The following CD93 variants were observed in gnomAD, a reference collection of about 807,000 sequenced individuals.
The protein encoded by CD93 is CD93 molecule, also known as complement component C1q receptor.
In CD93, 44 loss-of-function variants were observed where a neutral mutation model predicts 45.5. The observed-to-expected ratio is 0.97, with a 90% confidence interval of 0.76 to 1.24. CD93 has a LOEUF of 1.24. Ranked by LOEUF, CD93 falls within the 50% of genes most tolerant of loss-of-function variation. The pLI, the probability that CD93 is intolerant of heterozygous loss-of-function variation, is 0.00. For synonymous variants in CD93, 431 were observed against 370.8 expected (o/e 1.16, Z -1.87); for missense variants, 918 against 844.5 (o/e 1.09, Z -1.08).
In CD93 at chr20:23,081,422, A is replaced by T. The variant is rs1473968054; in HGVS notation, c.*2528T>A. 1.3e-5 allele frequency: 2 copies of T among 152,314 alleles called. No individual in the cohort carries two copies. The highest frequency in any genetic ancestry group is 2.9e-5 in the Non-Finnish European group (2 of 68,114). 9.4% of individuals were successfully genotyped at this position (152,314 alleles called of 1,614,324 possible). On this transcript the variant is annotated 3_prime_UTR_variant, in exon 2 of 2. Coordinates refer to ENST00000246006, the MANE Select transcript of CD93 (RefSeq NM_012072.4). ...ACTACTGTAGCCCCAAGATCCCCCAAACAAGAATTTCCATGCTTCAAAGTA... is the reference window on the plus strand; with the variant it reads ...ACTACTGTAGCCCCAAGATCCCCCATACAAGAATTTCCATGCTTCAAAGTA...
In CD93 at chr20:23,083,127, A is replaced by G. The variant is rs1350106017; in HGVS notation, c.*823T>C. On this transcript the variant is annotated 3_prime_UTR_variant, in exon 2 of 2. Coordinates refer to ENST00000246006, the MANE Select transcript of CD93 (RefSeq NM_012072.4). ...TTAGTGTTGATCACATCCGTAGTCA[A>G]GTGTGTGGTAACCTCAGTACATTTG... 1 of 152,208 alleles carries G rather than the reference A, an allele frequency of 6.6e-6. No homozygotes were observed. The highest frequency in any genetic ancestry group is 1.9e-4 in the East Asian group (1 of 5,188). The allele number at this position is 152,208 out of a possible 1,614,324, so 9.4% of individuals were successfully genotyped here.
Position 23,085,416 on chromosome 20 carries a change from G to T in CD93, c.777C>A (p.Ser259Arg). 2 of 1,613,898 alleles carry T rather than the reference G, an allele frequency of 1.2e-6. No individual in the cohort carries two copies. Among genetic ancestry groups the T allele is most frequent in the Non-Finnish European group, 1.7e-6 (2 of 1,180,000 alleles). Reference sequence around the variant, plus strand: ...TGTTGAAGTTGCAGCCATACTTGGGGCTGACACAGAGGGGGCCCGAGCTGC... The same window carrying T: ...TGTTGAAGTTGCAGCCATACTTGGGTCTGACACAGAGGGGGCCCGAGCTGC... ...DWGSSGPLCV[S>R]PKYGCNFNNG... The change falls in exon 1 of 2, where the codon AGC becomes AGA. Residue 259 changes from serine to arginine, a missense_variant. Physicochemically the swap from Ser to Arg is moderately radical, Grantham distance 110. Transcript: ENST00000246006.
chr20:23,085,426 AG>A lies in CD93; in HGVS notation c.766del (p.Leu256SerfsTer43). ...GCAGCCATACTTGGGGCTGACACAG[AG>A]GGGGCCCGAGCTGCCCCAGTCGAAC... ...DVFDWGSSGP[L>X]CVSPKYGCNF... On this transcript the variant is annotated frameshift_variant, in exon 1 of 2. Coordinates refer to ENST00000246006, the MANE Select transcript of CD93 (RefSeq NM_012072.4). LOFTEE classifies it high-confidence loss of function. 2.5e-6 allele frequency: 4 copies of A among 1,613,834 alleles called. No individual in the cohort carries two copies. Among genetic ancestry groups the A allele is most frequent in the Non-Finnish European group, 3.4e-6 (4 of 1,180,012 alleles).
chr20:23,085,354 T>C lies in CD93; in HGVS notation c.839A>G (p.Asp280Gly). The change falls in exon 1 of 2, where the codon GAT becomes GGT. Residue 280 changes from aspartate to glycine, a missense_variant. Asp to Gly is a moderately conservative substitution (Grantham distance 94). Coordinates refer to ENST00000246006, the MANE Select transcript of CD93 (RefSeq NM_012072.4). ...TCGGCAGCCGCAGAGGAAGGAGCCATCCCCCCCTTCAAAGCAGTCCTGGTG... is the reference window on the plus strand; with the variant it reads ...TCGGCAGCCGCAGAGGAAGGAGCCACCCCCCCCTTCAAAGCAGTCCTGGTG... Reference protein sequence around the residue: ...GCHQDCFEGGDGSFLCGCRPG... With the variant: ...GCHQDCFEGGGGSFLCGCRPG... 6.2e-7 allele frequency: 1 copy of C among 1,613,614 alleles called. No individual in the cohort carries two copies. Among genetic ancestry groups the C allele is most frequent in the Non-Finnish European group, 8.5e-7 (1 of 1,179,914 alleles).
rs930058439 is a variant in CD93, at chr20:23,083,032, G to A, written c.*918C>T. The A allele has an allele frequency of 1.3e-5, 2 of 152,612 alleles. No individual in the cohort carries two copies. The highest frequency in any genetic ancestry group is 4.8e-5 in the African/African-American group (2 of 41,446). 9.5% of individuals were successfully genotyped at this position (152,612 alleles called of 1,614,324 possible). A position where few individuals can be genotyped will look rare whatever the true frequency, so the allele number is the denominator to read the frequency against. ...ATTCCGGGCAGGATGAAGTGGAGGC[G>A]GGGCCACAGGCAGGGTGTCTGAGGC... On this transcript the variant is annotated 3_prime_UTR_variant, in exon 2 of 2. Transcript: ENST00000246006.
Position 23,083,121 on chromosome 20 carries a change from T to C in CD93, c.*829A>G, listed in dbSNP as rs1323333695. The C allele has an allele frequency of 6.6e-6, 1 of 152,298 alleles. No homozygotes were observed. The highest frequency in any genetic ancestry group is 3.2e-3 in the Middle Eastern group (1 of 316). The allele number at this position is 152,298 out of a possible 1,614,324, so 9.4% of individuals were successfully genotyped here. A position where few individuals can be genotyped will look rare whatever the true frequency, so the allele number is the denominator to read the frequency against. On this transcript the variant is annotated 3_prime_UTR_variant, in exon 2 of 2. Transcript: ENST00000246006. ...TCCTTGTTAGTGTTGATCACATCCG[T>C]AGTCAAGTGTGTGGTAACCTCAGTA... is the stretch of plus-strand genomic sequence containing the variant.
rs1398244769 is a variant in CD93 at position 23,082,451 on chromosome 20, T to C, written c.*1499A>G. 2 of 151,816 alleles carry C rather than the reference T, an allele frequency of 1.3e-5. No individual in the cohort carries two copies. The highest frequency in any genetic ancestry group is 4.8e-5 in the African/African-American group (2 of 41,266). The allele number at this position is 151,816 out of a possible 1,614,324, so 9.4% of individuals were successfully genotyped here. ...CAGGAGACATGAGGCCTCCCAGAGA[T>C]ACTCAGGTAACTTCTAGTGACTCTG... On this transcript the variant is annotated 3_prime_UTR_variant, in exon 2 of 2. Coordinates refer to ENST00000246006, the MANE Select transcript of CD93 (RefSeq NM_012072.4).
In CD93 at chr20:23,083,945, C is replaced by G; in HGVS notation, c.*5G>C. The G allele has an allele frequency of 6.2e-7, 1 of 1,614,114 alleles. No individual in the cohort carries two copies. The highest frequency in any genetic ancestry group is 2.2e-5 in the East Asian group (1 of 44,882). On this transcript the variant is annotated 3_prime_UTR_variant, in exon 2 of 2. Coordinates refer to ENST00000246006, the MANE Select transcript of CD93 (RefSeq NM_012072.4). ...GACTCTAGTGTCTCTAGGGCCACCT[C>G]ACTTTCAGCAGTCTGTCCCAGGTGT...
Position 23,082,155 on chromosome 20 carries a change from G to A in CD93, c.*1795C>T, listed in dbSNP as rs948163146. ...AAAAAGAAGTTCCAAATGCCCCATC[G>A]AGCCGCACAAAACCTCCATCTTTCC... On this transcript the variant is annotated 3_prime_UTR_variant, in exon 2 of 2. Transcript: ENST00000246006. 1 of 152,118 alleles carries A rather than the reference G, an allele frequency of 6.6e-6. No homozygotes were observed. Among genetic ancestry groups the A allele is most frequent in the African/African-American group, 2.4e-5 (1 of 41,426 alleles). The allele number at this position is 152,118 out of a possible 1,614,324, so 9.4% of individuals were successfully genotyped here. A position where few individuals can be genotyped will look rare whatever the true frequency, so the allele number is the denominator to read the frequency against.
intron 1 of CD93, 138 bp from the exon 2 acceptor site, chr20:23,084,112 G>T: frequency 1.4e-6 from 2 of 1,410,600 alleles, no homozygotes; most frequent in South Asian, 2.3e-5. Context: ...GCCTGGCGTG[G>T]GGGGAGGTTG....
At position 23,081,753 on chromosome 20, in the gene CD93, A is replaced by G. The variant is rs2122703279; in HGVS notation, c.*2197T>C. On this transcript the variant is annotated 3_prime_UTR_variant, in exon 2 of 2. Transcript: ENST00000246006. ...GGCCTGGGCTGTGAGAGCAATCAGA[A>G]CACTGTGAAAATAGGAGGGCTCGTT... 6.6e-6 allele frequency: 1 copy of G among 152,394 alleles called. No individual in the cohort carries two copies. Among genetic ancestry groups the G allele is most frequent in the East Asian group, 1.9e-4 (1 of 5,192 alleles). The allele number at this position is 152,394 out of a possible 1,614,324, so 9.4% of individuals were successfully genotyped here.
intron 1 of CD93, 61 bp from the exon 2 acceptor site, chr20:23,084,035 A>G: frequency 6.3e-7 from 1 of 1,599,188 alleles, no homozygotes; most frequent in Non-Finnish European, 8.6e-7. Context: ...GCACGTCCCC[A>G]CCTTGGGAGA....
Position 23,080,248 on chromosome 20 carries a change from A to G in CD93, c.*3702T>C, listed in dbSNP as rs952167599. On this transcript the variant is annotated 3_prime_UTR_variant, in exon 2 of 2. Coordinates refer to ENST00000246006, the MANE Select transcript of CD93 (RefSeq NM_012072.4). ...AAAAGACTGTGTTATTTTTAATTCA[A>G]TTTTTTTTTGTCAAATCTCATCTCT... The G allele has an allele frequency of 6.6e-6, 1 of 151,898 alleles. No individual in the cohort carries two copies. The highest frequency in any genetic ancestry group is 2.1e-4 in the South Asian group (1 of 4,784). The allele number at this position is 151,898 out of a possible 1,614,324, so 9.4% of individuals were successfully genotyped here.
rs1378396994 is a variant in CD93, at chr20:23,083,218, G to A, written c.*732C>T. 2.0e-5 allele frequency: 3 copies of A among 152,258 alleles called. No individual in the cohort carries two copies. Among genetic ancestry groups the A allele is most frequent in the Non-Finnish European group, 4.4e-5 (3 of 68,070 alleles). 9.4% of individuals were successfully genotyped at this position (152,258 alleles called of 1,614,324 possible). On this transcript the variant is annotated 3_prime_UTR_variant, in exon 2 of 2. Transcript: ENST00000246006. ...CTCTCGCCCTAGCCCCGTAGATTAT[G>A]TGACTTCACAAACACCTGTAATGCA...
At position 23,082,716 on chromosome 20, in the gene CD93, C is replaced by G. The variant is rs182815170; in HGVS notation, c.*1234G>C. 1.3e-5 allele frequency: 2 copies of G among 152,234 alleles called. No individual in the cohort carries two copies. Among genetic ancestry groups the G allele is most frequent in the African/African-American group, 2.4e-5 (1 of 41,430 alleles). The allele number at this position is 152,234 out of a possible 1,614,324, so 9.4% of individuals were successfully genotyped here. On this transcript the variant is annotated 3_prime_UTR_variant, in exon 2 of 2. Coordinates refer to ENST00000246006, the MANE Select transcript of CD93 (RefSeq NM_012072.4). ...TAAAAATGATTTTAGTTAGTCATCT[C>G]TTTCCCTCTTCCTTCCCTCCTTACC... is the stretch of plus-strand genomic sequence containing the variant.
At position 23,079,361 on chromosome 20, in the gene CD93, G is replaced by A. The variant is rs748529588; in HGVS notation, c.*4589C>T. 4.6e-5 allele frequency: 7 copies of A among 152,314 alleles called. No homozygotes were observed. The highest frequency in any genetic ancestry group is 2.1e-4 in the South Asian group (1 of 4,828). 9.4% of individuals were successfully genotyped at this position (152,314 alleles called of 1,614,324 possible). ...ATATTAAAACAAGTTCACAATCAAT[G>A]TGTTTAAGAGTTTATTAGGATAGGC... On this transcript the variant is annotated 3_prime_UTR_variant, in exon 2 of 2. Coordinates refer to ENST00000246006, the MANE Select transcript of CD93 (RefSeq NM_012072.4).
chr20:23,083,570 T>C lies in CD93; in HGVS notation c.*380A>G, dbSNP rs926324651. On this transcript the variant is annotated 3_prime_UTR_variant, in exon 2 of 2. Transcript: ENST00000246006. ...CAAATCATTTCAATCCTAATCAGCA[T>C]GAGCAACTCACCTTTTCCTCTTAGA... 4.0e-6 allele frequency: 1 copy of C among 248,108 alleles called. No homozygotes were observed. Among genetic ancestry groups the C allele is most frequent in the East Asian group, 8.8e-5 (1 of 11,336 alleles). 15.4% of individuals were successfully genotyped at this position (248,108 alleles called of 1,614,324 possible).
Position 23,085,724 on chromosome 20 carries a change from G to GGCGGCTGGGAAGGA in CD93, c.455_468dup (p.Leu157SerfsTer48). 6.2e-7 allele frequency: 1 copy of GGCGGCTGGGAAGGA among 1,611,498 alleles called. No homozygotes were observed. The highest frequency in any genetic ancestry group is 8.5e-7 in the Non-Finnish European group (1 of 1,179,936). On this transcript the variant is annotated frameshift_variant, in exon 1 of 2. Transcript: ENST00000246006. LOFTEE classifies it high-confidence loss of function. ...CAGGGGCCCTCAGACCACTTGGGGA[G>GGCGGCTGGGAAGGA]GCGGCTGGGAAGGAGCGGCTGGGAC...
chr20:23,086,064 C>A lies in CD93; in HGVS notation c.129G>T (p.Lys43Asn), dbSNP rs977747178. Reference protein sequence around the residue: ...GTACYTAHSGKLSAAEAQNHC... With the variant: ...GTACYTAHSGNLSAAEAQNHC... Reference sequence around the variant, plus strand: ...GGTTCTGGGCCTCGGCAGCGCTCAGCTTGCCCGAGTGGGCCGTGTAGCAGG... The same window carrying A: ...GGTTCTGGGCCTCGGCAGCGCTCAGATTGCCCGAGTGGGCCGTGTAGCAGG... Residue 43 changes from lysine to asparagine, a missense_variant, in exon 1 of 2, where the codon AAG (lysine) becomes AAT (asparagine). Physicochemically the swap from Lys to Asn is moderately conservative, Grantham distance 94. Transcript: ENST00000246006. 4 of 1,604,814 alleles carry A rather than the reference C, an allele frequency of 2.5e-6. No individual in the cohort carries two copies. Among genetic ancestry groups the A allele is most frequent in the African/African-American group, 2.7e-5 (2 of 74,920 alleles).
Sources: allele counts gnomAD v4.1 joint callset, GRCh38; gene constraint gnomAD v4.1.1; transcripts MANE v1.5; gene names NCBI Gene and HGNC (gene_info 2026-07-23, HGNC 2026-07-21).